EXOC4: variants seen among roughly 807,000 people sequenced by gnomAD.
EXOC4 encodes the protein SEC8-like 1.
Under a neutral mutation model 107.2 loss-of-function variants are expected in EXOC4, and 71 were observed. The ratio of observed to expected loss-of-function variants is 0.66; its 90% CI spans 0.55 to 0.81. EXOC4 has a LOEUF of 0.81. EXOC4 is among the 30% of genes least tolerant of loss of function. The pLI is 0.00. For missense variants in EXOC4, 1,108 were observed against 1,189.6 expected, an observed-to-expected ratio of 0.93 and a Z score of 1.01; for synonymous variants, 456 against 441.2, an observed-to-expected ratio of 1.03 and a Z score of -0.42.
chr7:133,271,066 G>A (rs1263095492), intron 1 of EXOC4, among the ~76,000 whole-genome samples: 1 of 151,884 alleles, frequency 6.6e-6, no homozygotes, highest in Non-Finnish European at 1.5e-5. Flanking sequence ...CAACAGGCAC[G>A]GGCCATTGCG....
intron 10 of EXOC4, among the ~76,000 whole-genome samples, chr7:133,763,265 A>C (rs1367778887): frequency 6.6e-6 from 1 of 152,124 alleles, no homozygotes; most frequent in Non-Finnish European, 1.5e-5. Flanking sequence ...GGATTTCTTT[A>C]AAACAGGGCT....
chr7:134,027,741 C>T (rs1011930837), intron 17 of EXOC4, among the ~76,000 whole-genome samples: 7 of 151,200 alleles, frequency 4.6e-5, no homozygotes, highest in Non-Finnish European at 1.0e-4. Context: ...AGCTCAGAGA[C>T]GGGATTTGAA....
intron 10 of EXOC4, among the ~76,000 whole-genome samples, chr7:133,669,796 AG>A (rs1320281896): frequency 6.6e-6 from 1 of 152,328 alleles, no homozygotes; most frequent in East Asian, 1.9e-4. Context: ...AGCTCCTTGA[AG>A]GGCGTCAGGA....
the EXOC4 span, among the ~76,000 whole-genome samples, chr7:134,090,808 G>C: frequency 6.6e-6 from 1 of 152,004 alleles, no homozygotes; most frequent in African/African-American, 2.4e-5. Flanking sequence ...AAGAGTACAA[G>C]ACAGATTAAT....
At chr7:133,496,181 G>T (rs1378469675) in intron 9 of EXOC4, among the ~76,000 whole-genome samples, 1 of 151,914 alleles carries the variant, frequency 6.6e-6, no homozygotes, top group Non-Finnish European at 1.5e-5. Flanking sequence ...ATGCGGTCTT[G>T]CTCTGTCCCC....
intron 7 of EXOC4, among the ~76,000 whole-genome samples, chr7:133,391,234 A>G (rs1758155175): frequency 6.6e-6 from 1 of 152,208 alleles, no homozygotes; most frequent in South Asian, 2.1e-4. Flanking sequence ...TGCTTTGGAT[A>G]TGATTTCACA....
chr7:133,906,682 C>T (rs10225115), intron 12 of EXOC4, among the ~76,000 whole-genome samples: 70,961 of 151,976 alleles, frequency 0.47, 17,878 homozygotes, highest in African/African-American at 0.65. Context: ...AGCTTTCGCT[C>T]GCTGTCCACT....
At chr7:134,066,520 T>C (rs1056625767), downstream of EXOC4, 1 of 152,198 alleles carries the variant, frequency 6.6e-6, no homozygotes, top group African/African-American at 2.4e-5. Flanking sequence ...GGAAAGGGAC[T>C]GTGGGACTCT....
At chr7:133,859,203 G>A (rs149694578) in intron 11 of EXOC4, among the ~76,000 whole-genome samples, 12 of 152,266 alleles carry the variant, frequency 7.9e-5, no homozygotes, top group African/African-American at 2.9e-4. Context: ...TGTCCCAGAG[G>A]TGGCAAGACA....
At chr7:133,835,096 C>G (rs551818100) in intron 11 of EXOC4, among the ~76,000 whole-genome samples, 4 of 152,260 alleles carry the variant, frequency 2.6e-5, no homozygotes, top group South Asian at 4.1e-4. Flanking sequence ...TCCATTAAAC[C>G]TCTTTCCTGT....
At chr7:133,740,156 T>C (rs12707116) in intron 10 of EXOC4, among the ~76,000 whole-genome samples, 72,599 of 151,950 alleles carry the variant, frequency 0.48, 17,668 homozygotes, top group South Asian at 0.62. Flanking sequence ...ATAATAGTAA[T>C]ACTTGCTACC....
chr7:134,081,255 A>C, the EXOC4 span, among the ~76,000 whole-genome samples: 1 of 152,142 alleles, frequency 6.6e-6, no homozygotes, highest in Admixed American at 6.5e-5. Flanking sequence ...AGGCGGGAGA[A>C]TCACTTGAGC....
intron 1 of EXOC4, among the ~76,000 whole-genome samples, chr7:133,264,321 C>T (rs781615873): frequency 6.6e-6 from 1 of 152,076 alleles, no homozygotes; most frequent in Non-Finnish European, 1.5e-5. Flanking sequence ...AGCAAGACAC[C>T]AATGAATTTT....
chr7:133,622,261 C>T (rs576623489), intron 9 of EXOC4, among the ~76,000 whole-genome samples: 4 of 152,220 alleles, frequency 2.6e-5, no homozygotes, highest in East Asian at 1.9e-4. Flanking sequence ...GGGCATGAGC[C>T]GTCACACCTG....
chr7:133,440,247 A>G (rs1798074570), intron 7 of EXOC4, among the ~76,000 whole-genome samples: 1 of 152,046 alleles, frequency 6.6e-6, no homozygotes, highest in African/African-American at 2.4e-5. Flanking sequence ...TCTTCCTGGG[A>G]GGGACAGTGA....
intron 7 of EXOC4, among the ~76,000 whole-genome samples, chr7:133,471,168 T>C (rs191133424): frequency 7.9e-5 from 12 of 152,238 alleles, no homozygotes; most frequent in African/African-American, 2.9e-4. Flanking sequence ...TTCTAGCACA[T>C]TGGGAGGCTG....
At chr7:133,713,774 C>T (rs553064801) in intron 10 of EXOC4, among the ~76,000 whole-genome samples, 5 of 152,218 alleles carry the variant, frequency 3.3e-5, no homozygotes, top group Non-Finnish European at 7.3e-5. Context: ...TCCTTCTTGC[C>T]TCCTTGTGAA....
At chr7:133,721,559 T>C (rs1478475777) in intron 10 of EXOC4, among the ~76,000 whole-genome samples, 1 of 152,236 alleles carries the variant, frequency 6.6e-6, no homozygotes, top group Non-Finnish European at 1.5e-5. Context: ...TAAAATATGA[T>C]GCTTGGTGTA....
chr7:133,288,301 C>T (rs1794327350), intron 2 of EXOC4, among the ~76,000 whole-genome samples: 1 of 152,180 alleles, frequency 6.6e-6, no homozygotes, highest in Non-Finnish European at 1.5e-5. Flanking sequence ...AGTCACTATA[C>T]TATGCAGATC....
Sources: gnomAD v4.1 joint callset for allele counts (sites outside exome capture counted in the v4.1 genomes callset) on GRCh38, gnomAD v4.1.1 for gene constraint, MANE v1.5 for transcripts, NCBI Gene and HGNC (gene_info 2026-07-23, HGNC 2026-07-21) for gene names.